Variants in WBP4 observed in about 807,000 individuals in gnomAD.
The protein encoded by WBP4 is WW domain binding protein 4.
Under a neutral mutation model 55.4 loss-of-function variants are expected in WBP4, and 37 were observed. The ratio of observed to expected loss-of-function variants is 0.67; its 90% confidence interval spans 0.51 to 0.88. The LOEUF is 0.88. WBP4 is among the 40% of genes least tolerant of loss of function. The probability of loss-of-function intolerance (pLI) is 0.00; values close to 1 mark genes in which losing one functional copy is unlikely to be tolerated. For synonymous variants in WBP4, 142 were observed against 140.2 expected, an observed-to-expected ratio of 1.01 and a Z score of -0.09; for missense variants, 398 against 420.8, an observed-to-expected ratio of 0.95 and a Z score of 0.47.
chr13:41,068,254 C>A (rs1878065360), intron 4 of WBP4, among the ~76,000 whole-genome samples: 1 of 152,088 alleles, frequency 6.6e-6, no homozygotes, highest in South Asian at 2.1e-4. Flanking sequence ...GGCTCTGTAT[C>A]TGGACTATTT....
rs1447598650 is a variant in WBP4, at chr13:41,083,607, G to A, written c.*693G>A. On this transcript the variant is annotated 3_prime_UTR_variant, in exon 10 of 10. Transcript: ENST00000379487. ...ATAAAGATGAATGAAATGTATTTCT[G>A]TTCTTCAGGAGTTCACATTCTAGCA... 1 of 152,256 alleles carries A rather than the reference G, an allele frequency of 6.6e-6. No individual in the cohort carries two copies. Among genetic ancestry groups the A allele is most frequent in the Admixed American group, 6.5e-5 (1 of 15,276 alleles). The allele number at this position is 152,256 out of a possible 1,614,324, so 9.4% of individuals were successfully genotyped here. A position where few individuals can be genotyped will look rare whatever the true frequency, so the allele number is the denominator to read the frequency against.
Position 41,082,684 on chromosome 13 carries a change from T to C in WBP4, c.921-20T>C, listed in dbSNP as rs762351822. On this transcript the variant is annotated intron_variant, in intron 9 of 9. Coordinates refer to ENST00000379487, the MANE Select transcript of WBP4 (RefSeq NM_007187.5). ...TGTCTTACCCTGTCAAATAGAGTTT[T>C]ACTTTAACTCTATTTCCAGTGAGGA... 7 of 1,607,050 alleles carry C rather than the reference T, an allele frequency of 4.4e-6. No homozygotes were observed. In the South Asian group the frequency reaches 7.7e-5, roughly 18 times the overall value.
chr13:41,078,644 A>G (rs959490036), intron 8 of WBP4, among the ~76,000 whole-genome samples: 1 of 152,198 alleles, frequency 6.6e-6, no homozygotes, highest in Admixed American at 6.5e-5. Flanking sequence ...CCTGACCAAC[A>G]TAGAGAAACC....
chr13:41,066,864 A>G (rs1479757462), intron 4 of WBP4, among the ~76,000 whole-genome samples: 5 of 152,224 alleles, frequency 3.3e-5, no homozygotes, highest in African/African-American at 1.2e-4. Flanking sequence ...TATATTTTAT[A>G]TTGATAGCTA....
intron 1 of WBP4, 110 bp downstream of exon 1, chr13:41,061,785 G>A: frequency 6.4e-7 from 1 of 1,554,980 alleles, no homozygotes; most frequent in Non-Finnish European, 8.7e-7. Flanking sequence ...GGGCGTGACA[G>A]ACGCGTTCTT....
chr13:41,067,392 G>C (rs542110803), intron 4 of WBP4, among the ~76,000 whole-genome samples: 1 of 152,312 alleles, frequency 6.6e-6, no homozygotes, highest in Admixed American at 6.5e-5. Flanking sequence ...AAAAGTAAAT[G>C]TTAATTGGCC....
chr13:41,070,077 ATAAG>A (rs1486286824), intron 5 of WBP4, among the ~76,000 whole-genome samples: 48 of 152,176 alleles, frequency 3.2e-4, no homozygotes, highest in Admixed American at 3.0e-3. Flanking sequence ...CGACAAATAA[ATAAG>A]CTTGATAAAA....
chr13:41,070,743 G>T (rs1488359981), intron 5 of WBP4, among the ~76,000 whole-genome samples: 1 of 152,024 alleles, frequency 6.6e-6, no homozygotes, highest in South Asian at 2.1e-4. Flanking sequence ...AGTAAAGAAG[G>T]TGAGTGTTAC....
At chr13:41,071,997 G>T (rs1266379125) in intron 6 of WBP4, among the ~76,000 whole-genome samples, 1 of 141,824 alleles carries the variant, frequency 7.1e-6, no homozygotes, top group African/African-American at 2.6e-5. Flanking sequence ...AGTGAGCCGA[G>T]ATTGCACCAC....
chr13:41,068,851 C>T (rs549882230), intron 5 of WBP4, 114 bp downstream of exon 5: 59 of 1,182,702 alleles, frequency 5.0e-5, no homozygotes, highest in South Asian at 7.6e-5. Flanking sequence ...AGTGAAAGAC[C>T]GGTTTTTCAT....
At chr13:41,070,743 G>A (rs1488359981) in intron 5 of WBP4, among the ~76,000 whole-genome samples, 1 of 152,024 alleles carries the variant, frequency 6.6e-6, no homozygotes, top group Non-Finnish European at 1.5e-5. Context: ...AGTAAAGAAG[G>A]TGAGTGTTAC....
chr13:41,074,343 A>G (rs1292917960), intron 7 of WBP4, among the ~76,000 whole-genome samples: 1 of 152,160 alleles, frequency 6.6e-6, no homozygotes, highest in Non-Finnish European at 1.5e-5. Context: ...TGTTTTTTTA[A>G]TTCCTGTTAT....
intron 1 of WBP4, 21 bp downstream of exon 1, chr13:41,061,696 TGAA>T (rs1161927105): frequency 1.2e-6 from 2 of 1,614,000 alleles, no homozygotes; most frequent in Non-Finnish European, 1.7e-6. Context: ...TCTCAGGCCC[TGAA>T]CAACGAGGTG....
intron 2 of WBP4, among the ~76,000 whole-genome samples, chr13:41,064,601 C>G (rs1029080252): frequency 1.3e-5 from 2 of 152,146 alleles, no homozygotes; most frequent in African/African-American, 4.8e-5. Flanking sequence ...TCATTGTTCT[C>G]TATGTCCCTC....
At chr13:41,069,705 CAA>C (rs35819905) in intron 5 of WBP4, among the ~76,000 whole-genome samples, 139 of 75,870 alleles carry the variant, frequency 1.8e-3, no homozygotes, top group South Asian at 7.3e-3. Context: ...GACTCTGCCT[CAA>C]AAAAAAAAAA....
Position 41,061,662 on chromosome 13 carries a change from G to GC in WBP4, c.-11dup. 6.2e-7 allele frequency: 1 copy of GC among 1,614,144 alleles called. No homozygotes were observed. The highest frequency in any genetic ancestry group is 8.5e-7 in the Non-Finnish European group (1 of 1,180,026). On this transcript the variant is annotated 5_prime_UTR_variant, in exon 1 of 10. Transcript: ENST00000379487. ...GGAACCCTGGACGACTTGCAGAGCG[G>GC]CTGGCGCAGTCATGTGAGTTGGGTC... is the stretch of plus-strand genomic sequence containing the variant.
rs1217052633 is a variant in WBP4 at position 41,069,904 on chromosome 13, TAC to T, written c.439+1171_439+1172del. ...AAAAAAAAAAAAAAGAAAAAAAAAATACACAGTGTCGTTTTACAGTAACAATA... is the reference window on the plus strand; with the variant it reads ...AAAAAAAAAAAAAAGAAAAAAAAAATACAGTGTCGTTTTACAGTAACAATA... On this transcript the variant is annotated intron_variant, in intron 5 of 9. Coordinates refer to ENST00000379487, the MANE Select transcript of WBP4 (RefSeq NM_007187.5). Among the ~76,000 whole-genome samples, 20 of 148,948 alleles carry T rather than the reference TAC, an allele frequency of 1.3e-4. 1 individual carries two copies. The South Asian group carries it at 4.3e-3, about 32-fold the overall frequency.
rs750620455 is a variant in WBP4, at chr13:41,062,628, T to C, written c.3-16T>C. ...AAGTTTTACATGAGCTTAGCCTTGTTGTCTCTCTTTTTCAGGGCGGACTAC... is the reference window on the plus strand; with the variant it reads ...AAGTTTTACATGAGCTTAGCCTTGTCGTCTCTCTTTTTCAGGGCGGACTAC... On this transcript the variant is annotated splice_polypyrimidine_tract_variant and intron_variant, in intron 1 of 9. Coordinates refer to ENST00000379487, the MANE Select transcript of WBP4 (RefSeq NM_007187.5). 17 of 1,612,028 alleles carry C rather than the reference T, an allele frequency of 1.1e-5. No homozygotes were observed. In the South Asian group the frequency reaches 1.7e-4, roughly 16 times the overall value.
chr13:41,064,639 T>C (rs1487787679), intron 2 of WBP4, among the ~76,000 whole-genome samples: 1 of 152,168 alleles, frequency 6.6e-6, no homozygotes, highest in African/African-American at 2.4e-5. Flanking sequence ...AATAAAATTC[T>C]AAAGGCTTTT....
Sources: allele counts gnomAD v4.1 joint callset (sites outside exome capture counted in the v4.1 genomes callset), GRCh38; gene constraint gnomAD v4.1.1; transcripts MANE v1.5; gene names NCBI Gene and HGNC (gene_info 2026-07-23, HGNC 2026-07-21).